AGBL4: variants seen among roughly 807,000 people sequenced by gnomAD.
The protein encoded by AGBL4 is AGBL carboxypeptidase 4, also known as cytosolic carboxypeptidase 6.
A neutral mutation model predicts 66.4 loss-of-function variants in AGBL4; 58 were observed. That is an observed-to-expected ratio of 0.87 (90% CI 0.71 to 1.09). AGBL4 has a LOEUF of 1.09. Among genes scored for constraint, AGBL4 ranks in the 50% least tolerant of loss-of-function variants. The probability of loss-of-function intolerance (pLI) is 0.00; values close to 1 mark genes in which losing one functional copy is unlikely to be tolerated. For missense variants in AGBL4, 579 were observed against 631.0 expected, an observed-to-expected ratio of 0.92 and a Z score of 0.88; for synonymous variants, 234 against 222.9, an observed-to-expected ratio of 1.05 and a Z score of -0.44.
At chr1:49,499,887 C>T (rs547693525) in intron 3 of AGBL4, among the ~76,000 whole-genome samples, 2 of 152,028 alleles carry the variant, frequency 1.3e-5, no homozygotes, top group South Asian at 4.2e-4. Context: ...GGGTAGGTAA[C>T]CCAGTAGTGG....
At chr1:48,899,021 C>A (rs968568469) in intron 5 of AGBL4, among the ~76,000 whole-genome samples, 10 of 152,224 alleles carry the variant, frequency 6.6e-5, no homozygotes, top group Non-Finnish European at 1.5e-4. Flanking sequence ...CTCCAGAGGG[C>A]GGGAACCTTG....
intron 3 of AGBL4, among the ~76,000 whole-genome samples, chr1:49,397,311 A>G (rs1199169722): frequency 6.6e-6 from 1 of 152,172 alleles, no homozygotes; most frequent in Non-Finnish European, 1.5e-5. Context: ...TGAAGATACC[A>G]CAATGAAACT....
At chr1:49,954,060 A>AT (rs989822812) in intron 1 of AGBL4, among the ~76,000 whole-genome samples, 1 of 151,332 alleles carries the variant, frequency 6.6e-6, no homozygotes, top group Admixed American at 6.6e-5. Context: ...CACCCAGCTA[A>AT]TTTTTCTTTT....
At chr1:48,712,134 C>G (rs891883957) in intron 6 of AGBL4, among the ~76,000 whole-genome samples, 5 of 152,210 alleles carry the variant, frequency 3.3e-5, no homozygotes, top group African/African-American at 9.7e-5. Flanking sequence ...CCTTCTCCCC[C>G]CAGGAAGGGG....
intron 6 of AGBL4, among the ~76,000 whole-genome samples, chr1:48,855,185 T>G (rs565729286): frequency 6.6e-6 from 1 of 152,294 alleles, no homozygotes; most frequent in East Asian, 1.9e-4. Context: ...ATCTCCCTCA[T>G]GATGATCAGC....
chr1:50,013,883 C>T (rs916324011), intron 1 of AGBL4, among the ~76,000 whole-genome samples: 1 of 152,164 alleles, frequency 6.6e-6, no homozygotes, highest in Non-Finnish European at 1.5e-5. Context: ...TTCTCCTATA[C>T]TATATGCACT....
intron 5 of AGBL4, among the ~76,000 whole-genome samples, chr1:48,964,034 T>C (rs1386794320): frequency 6.6e-6 from 1 of 152,052 alleles, no homozygotes; most frequent in African/African-American, 2.4e-5. Context: ...AAATTCACAA[T>C]CAAAATCACA....
intron 1 of AGBL4, among the ~76,000 whole-genome samples, chr1:50,008,116 G>C (rs1363301464): frequency 6.6e-6 from 1 of 152,162 alleles, no homozygotes; most frequent in Non-Finnish European, 1.5e-5. Flanking sequence ...GCACTGGACA[G>C]ACAATCCATA....
chr1:48,654,280 G>A (rs912543293), intron 7 of AGBL4, among the ~76,000 whole-genome samples: 3 of 152,216 alleles, frequency 2.0e-5, no homozygotes, highest in East Asian at 1.9e-4. Flanking sequence ...AGCCCTCATC[G>A]CTGAAGCCAG....
chr1:49,704,604 T>G (rs1213776586), intron 2 of AGBL4, among the ~76,000 whole-genome samples: 1 of 152,098 alleles, frequency 6.6e-6, no homozygotes, highest in Non-Finnish European at 1.5e-5. Context: ...CTAATTTTTG[T>G]ATAAGGTGTA....
chr1:48,983,319 G>A (rs192008624), intron 5 of AGBL4, among the ~76,000 whole-genome samples: 347 of 152,228 alleles, frequency 2.3e-3, no homozygotes, highest in African/African-American at 7.7e-3. Flanking sequence ...GTTGAGAATA[G>A]TCTGTTCTGT....
At chr1:49,230,876 C>T (rs1363948448) in intron 4 of AGBL4, among the ~76,000 whole-genome samples, 2 of 152,106 alleles carry the variant, frequency 1.3e-5, no homozygotes, top group South Asian at 2.1e-4. Flanking sequence ...CCAGTTAAAT[C>T]ATTTTATTCT....
chr1:49,929,173 G>T (rs953114379), intron 1 of AGBL4, among the ~76,000 whole-genome samples: 1 of 151,988 alleles, frequency 6.6e-6, no homozygotes, highest in Admixed American at 6.6e-5. Flanking sequence ...AAGAAGGGGA[G>T]GGGGGCAAAG....
chr1:49,839,608 T>C (rs1467436346), intron 2 of AGBL4, among the ~76,000 whole-genome samples: 1 of 152,162 alleles, frequency 6.6e-6, no homozygotes, highest in Non-Finnish European at 1.5e-5. Context: ...TATAATCAGA[T>C]TATTTGCATT....
At chr1:49,431,899 T>C (rs1203872935) in intron 3 of AGBL4, among the ~76,000 whole-genome samples, 1 of 152,162 alleles carries the variant, frequency 6.6e-6, no homozygotes, top group African/African-American at 2.4e-5. Context: ...GTTTCAGTAC[T>C]GACTGAGTGG....
intron 3 of AGBL4, among the ~76,000 whole-genome samples, chr1:49,589,338 T>A (rs888564484): frequency 6.6e-6 from 1 of 152,256 alleles, no homozygotes; most frequent in Admixed American, 6.5e-5. Context: ...ACACTGTGAC[T>A]TGAACCTAAA....
chr1:49,085,897 C>T (rs1301302873), intron 4 of AGBL4, among the ~76,000 whole-genome samples: 4 of 152,064 alleles, frequency 2.6e-5, no homozygotes, highest in East Asian at 3.9e-4. Context: ...CCAAGGGGAC[C>T]GCTACATGTT....
chr1:49,590,594 G>T (rs547984799), intron 3 of AGBL4, among the ~76,000 whole-genome samples: 27 of 151,876 alleles, frequency 1.8e-4, no homozygotes, highest in Non-Finnish European at 3.2e-4. Flanking sequence ...AAAGTTTTAC[G>T]TAAGAGAGCG....
chr1:49,103,119 C>T (rs143145111), intron 4 of AGBL4, among the ~76,000 whole-genome samples: 4 of 152,328 alleles, frequency 2.6e-5, no homozygotes, highest in African/African-American at 9.6e-5. Context: ...GCCAATCTCC[C>T]TCAGCATTTT....
Sources: allele counts gnomAD v4.1 joint callset (sites outside exome capture counted in the v4.1 genomes callset), GRCh38; gene constraint gnomAD v4.1.1; transcripts MANE v1.5; gene names NCBI Gene and HGNC (gene_info 2026-07-23, HGNC 2026-07-21).